Variants in DMD observed in about 807,000 individuals in gnomAD.
The protein encoded by DMD is mutant dystrophin.
In DMD, 63 loss-of-function variants were observed where a neutral mutation model predicts 330.1. The observed-to-expected ratio is 0.19, with a 90% CI of 0.16 to 0.24. The LOEUF is 0.24. Among genes scored for constraint, DMD ranks in the 10% least tolerant of loss-of-function variants. The probability of loss-of-function intolerance (pLI) is 1.00; values close to 1 mark genes in which losing one functional copy is unlikely to be tolerated. For missense variants in DMD, 3,344 were observed against 2,684.1 expected, an observed-to-expected ratio of 1.25 and a Z score of -5.43; for synonymous variants, 1,223 against 959.8, an observed-to-expected ratio of 1.27 and a Z score of -5.07.
chrX:32,737,143 G>A (rs1005568035), intron 7 of DMD, among the ~76,000 whole-genome samples: 2 of 110,033 alleles, frequency 1.8e-5, no homozygotes, highest in East Asian at 2.8e-4. Flanking sequence ...CAACAAAAGG[G>A]GGGGGACATA....
chrX:31,869,695 C>A (rs1446900214), intron 48 of DMD, among the ~76,000 whole-genome samples: 1 of 109,658 alleles, frequency 9.1e-6, no homozygotes, highest in African/African-American at 3.3e-5. Context: ...GGATGACTTG[C>A]TATAAACTAC....
rs761703984 is a variant in DMD at position 31,220,427 on chromosome X, C to T, written c.9361+2620G>A. ...GTTGCTAAGTCCAATGGGCATTTTC[C>T]GCAACTTTATGCTGACATCCCAGCA... is the stretch of plus-strand genomic sequence containing the variant. On this transcript the variant is annotated intron_variant, in intron 64 of 78. Transcript: ENST00000357033. Among the ~76,000 whole-genome samples, 6 of 111,763 alleles carry T rather than the reference C, an allele frequency of 5.4e-5. No homozygotes were observed. In the South Asian group the frequency reaches 1.5e-3, roughly 28 times the overall value.
At chrX:32,320,335 GT>G (rs1454002255) in intron 41 of DMD, among the ~76,000 whole-genome samples, 1 of 111,754 alleles carries the variant, frequency 8.9e-6, no homozygotes, top group Non-Finnish European at 1.9e-5. Flanking sequence ...GCGAGTGATA[GT>G]AAAGATGCAT....
chrX:32,971,054 C>T (rs750020688), intron 2 of DMD, among the ~76,000 whole-genome samples: 2 of 110,569 alleles, frequency 1.8e-5, no homozygotes, highest in Admixed American at 1.9e-4. Context: ...CTCTGCCTCC[C>T]GGGTTCAAGT....
chrX:31,302,749 A>C (rs932113278), intron 62 of DMD, among the ~76,000 whole-genome samples: 2 of 111,311 alleles, frequency 1.8e-5, no homozygotes, highest in African/African-American at 6.5e-5. Context: ...ATTAAGTAAC[A>C]GTTTGGTGCA....
chrX:31,911,615 A>C (rs943867224), intron 47 of DMD, among the ~76,000 whole-genome samples: 1 of 111,704 alleles, frequency 9.0e-6, no homozygotes, highest in Non-Finnish European at 1.9e-5. Context: ...ATTCGAGTTC[A>C]AAATGGATTG....
intron 55 of DMD, among the ~76,000 whole-genome samples, chrX:31,571,346 C>T (rs1227801638): frequency 9.3e-6 from 1 of 107,680 alleles, no homozygotes; most frequent in African/African-American, 3.4e-5. Context: ...GGTGGAAATT[C>T]ACCTCAGAGA....
intron 1 of DMD, among the ~76,000 whole-genome samples, chrX:33,327,271 A>C (rs900862446): frequency 2.7e-5 from 3 of 111,981 alleles, no homozygotes; most frequent in Non-Finnish European, 3.8e-5. Context: ...AAGGACTAGA[A>C]GATAGAGAGA....
At chrX:33,232,115 A>G (rs895191139) in intron 1 of DMD, among the ~76,000 whole-genome samples, 1 of 112,325 alleles carries the variant, frequency 8.9e-6, no homozygotes, top group Non-Finnish European at 1.9e-5. Context: ...CTTCAAAAGT[A>G]AAAGAGAAAT....
At chrX:31,557,056 T>C (rs1229673199) in intron 55 of DMD, among the ~76,000 whole-genome samples, 3 of 112,297 alleles carry the variant, frequency 2.7e-5, no homozygotes, top group African/African-American at 9.7e-5. Context: ...TCCAAAGCTC[T>C]AAATACAATT....
intron 44 of DMD, among the ~76,000 whole-genome samples, chrX:32,019,910 G>A: frequency 8.9e-6 from 1 of 112,585 alleles, no homozygotes; most frequent in Non-Finnish European, 1.9e-5. Flanking sequence ...AAATTGTGAG[G>A]ATTTGGAGAA....
At chrX:31,456,974 TA>T (rs1470144186) in intron 59 of DMD, among the ~76,000 whole-genome samples, 63 of 106,192 alleles carry the variant, frequency 5.9e-4, no homozygotes, top group African/African-American at 1.7e-3. Context: ...AATGGGTCAT[TA>T]AAAAAAATGC....
intron 52 of DMD, among the ~76,000 whole-genome samples, chrX:31,700,050 G>C (rs1372954002): frequency 1.8e-5 from 2 of 109,768 alleles, no homozygotes; most frequent in African/African-American, 3.3e-5. Flanking sequence ...GCCAGGCGCA[G>C]TGGCAGGCAC....
intron 60 of DMD, among the ~76,000 whole-genome samples, chrX:31,391,145 TTTTTA>T (rs2060664364): frequency 8.9e-6 from 1 of 111,995 alleles, no homozygotes; most frequent in Non-Finnish European, 1.9e-5. Context: ...ACTATTTTTC[TTTTTA>T]TTTTATTTTT....
chrX:32,549,485 T>C (rs777044396), intron 16 of DMD, among the ~76,000 whole-genome samples: 6 of 111,438 alleles, frequency 5.4e-5, no homozygotes, highest in African/African-American at 2.0e-4. Context: ...ACAAATTATG[T>C]AGCCAGTCCT....
chrX:32,862,881 C>T (rs1362524811), intron 2 of DMD, among the ~76,000 whole-genome samples: 2 of 110,234 alleles, frequency 1.8e-5, no homozygotes, highest in East Asian at 2.9e-4. Context: ...GGATTACAGG[C>T]GCGAGCCACT....
intron 1 of DMD, among the ~76,000 whole-genome samples, chrX:33,150,356 G>A (rs376545545): frequency 4.9e-5 from 5 of 101,252 alleles, no homozygotes; most frequent in Non-Finnish European, 7.9e-5. Flanking sequence ...GTGCAGTGGC[G>A]TGATCTCGGC....
intron 7 of DMD, among the ~76,000 whole-genome samples, chrX:32,769,542 CCTTT>C (rs1475107997): frequency 9.0e-6 from 1 of 111,683 alleles, no homozygotes; most frequent in African/African-American, 3.3e-5. Flanking sequence ...GTTTTAAGCT[CCTTT>C]CTATTTTGGC....
At chrX:31,234,640 A>C (rs1261869904) in intron 63 of DMD, among the ~76,000 whole-genome samples, 1 of 112,253 alleles carries the variant, frequency 8.9e-6, no homozygotes, top group African/African-American at 3.2e-5. Context: ...GGGAAAACAA[A>C]AAGATTATTC....
Sources: gnomAD v4.1 joint callset for allele counts (sites outside exome capture counted in the v4.1 genomes callset) on GRCh38, gnomAD v4.1.1 for gene constraint, MANE v1.5 for transcripts, NCBI Gene and HGNC (gene_info 2026-07-23, HGNC 2026-07-21) for gene names.